RCBTB2: variants seen among roughly 807,000 people sequenced by gnomAD.
The protein encoded by RCBTB2 is RCC1 and BTB domain-containing protein 2.
A neutral mutation model predicts 65.4 loss-of-function variants in RCBTB2; 55 were observed. The observed-to-expected ratio is 0.84, with a 90% CI of 0.68 to 1.05. The LOEUF (loss-of-function observed/expected upper bound fraction) is 1.05, where lower values mean the gene tolerates loss of function less well. Ranked by LOEUF, RCBTB2 falls within the 50% of genes least tolerant of loss-of-function variation. The probability of loss-of-function intolerance (pLI) is 0.00; values close to 1 mark genes in which losing one functional copy is unlikely to be tolerated. For missense variants in RCBTB2, 599 were observed against 680.1 expected (o/e 0.88, Z 1.33); for synonymous variants, 220 against 255.2 (o/e 0.86, Z 1.31).
At chr13:48,532,999 C>T in intron 1 of RCBTB2, 29 bp downstream of exon 1, 1 of 455,646 alleles carries the variant, frequency 2.2e-6, no homozygotes, top group Non-Finnish European at 4.4e-6. Context: ...TCCCCCTCGG[C>T]CTCCCACACC....
intron 4 of RCBTB2, among the ~76,000 whole-genome samples, chr13:48,518,472 A>AAAAAATATATATATATATAT (rs1491137365): frequency 8.6e-6 from 1 of 116,618 alleles, no homozygotes; most frequent in African/African-American, 3.8e-5. Flanking sequence ...AAAAAAAAAA[A>AAAAAATATATATATATATAT]ATATATATAT....
intron 14 of RCBTB2, among the ~76,000 whole-genome samples, chr13:48,493,168 TTGGACCAATCCACCATCATCACTTACTGG>T (rs1473811200): frequency 1.3e-5 from 2 of 150,696 alleles, no homozygotes; most frequent in Non-Finnish European, 2.9e-5. Context: ...AGGTGATAAC[TTGGACCAATCCACCATCATCACTTACTGG>T]ATTATACAGC....
At chr13:48,531,598 G>A (rs117888541) in intron 1 of RCBTB2, among the ~76,000 whole-genome samples, 2,027 of 152,346 alleles carry the variant, frequency 0.013, 23 homozygotes, top group Middle Eastern at 0.024. Flanking sequence ...ATGAGGGTCC[G>A]CTTGGCGAGC....
In RCBTB2 at chr13:48,512,173, A is replaced by G; in HGVS notation, c.518T>C (p.Val173Ala). 6.2e-7 allele frequency: 1 copy of G among 1,611,562 alleles called. No homozygotes were observed. Among genetic ancestry groups the G allele is most frequent in the Non-Finnish European group, 8.5e-7 (1 of 1,177,976 alleles). Residue 173 changes from valine to alanine, a missense_variant and splice_region_variant, in exon 8 of 15, where the codon GTA becomes GCA. Transcript: ENST00000344532. ...HSLVLTSDGE[V>A]FAWGYNNSGQ... The stretch of plus-strand genomic sequence containing the variant: ...AGAGTTATTATAACCCCAGGCAAAT[A>G]CCTGTTTAAAGGAAAGATCAGTAAA...
At chr13:48,506,954 G>A (rs543862661) in intron 10 of RCBTB2, among the ~76,000 whole-genome samples, 26 of 152,292 alleles carry the variant, frequency 1.7e-4, no homozygotes, top group African/African-American at 6.0e-4. Context: ...CAAATAATGC[G>A]GTTCTTATGT....
intron 6 of RCBTB2, among the ~76,000 whole-genome samples, chr13:48,513,177 A>G (rs1465541368): frequency 6.6e-6 from 1 of 152,250 alleles, no homozygotes; most frequent in Non-Finnish European, 1.5e-5. Context: ...GAGTAATAGC[A>G]AAAACATTAG....
chr13:48,495,853 T>C (rs1239169618), intron 14 of RCBTB2, among the ~76,000 whole-genome samples: 1 of 152,246 alleles, frequency 6.6e-6, no homozygotes, highest in African/African-American at 2.4e-5. Context: ...TATTGTCTTT[T>C]TGTTTTTCAC....
chr13:48,506,873 T>C (rs982097525), intron 10 of RCBTB2, among the ~76,000 whole-genome samples: 2 of 152,232 alleles, frequency 1.3e-5, no homozygotes, highest in Non-Finnish European at 2.9e-5. Flanking sequence ...TTTGGGGTAA[T>C]GTTCTATGAA....
upstream of RCBTB2, among the ~76,000 whole-genome samples, chr13:48,535,186 C>A (rs140735851): frequency 8.6e-3 from 1,303 of 152,080 alleles, 19 homozygotes; most frequent in African/African-American, 0.029. Flanking sequence ...GTTCTCTGGT[C>A]TCTTCCAAAA....
At chr13:48,500,809 C>CT in intron 12 of RCBTB2, among the ~76,000 whole-genome samples, 1 of 152,172 alleles carries the variant, frequency 6.6e-6, no homozygotes, top group Non-Finnish European at 1.5e-5. Context: ...GGCCATAGTA[C>CT]TGTGTTACAG....
At chr13:48,496,641 T>C in intron 13 of RCBTB2, among the ~76,000 whole-genome samples, 1 of 151,318 alleles carries the variant, frequency 6.6e-6, no homozygotes, top group Non-Finnish European at 1.5e-5. Context: ...CAATGTCAGC[T>C]TCTCCTGGGC....
At chr13:48,500,377 G>A (rs1255422828) in intron 12 of RCBTB2, among the ~76,000 whole-genome samples, 1 of 152,130 alleles carries the variant, frequency 6.6e-6, no homozygotes, top group Non-Finnish European at 1.5e-5. Flanking sequence ...GGCCAATATG[G>A]TGAAACCCCA....
chr13:48,510,338 T>C lies in RCBTB2; in HGVS notation c.926+291A>G, dbSNP rs187778612. On this transcript the variant is annotated intron_variant, in intron 10 of 14. Coordinates refer to ENST00000344532, the MANE Select transcript of RCBTB2 (RefSeq NM_001268.4). ...GAAAAGGAGGAGGGCAAAAGGGTGA[T>C]TTGTAAGGCAGAAGAGTAACAGAAT... Among the ~76,000 whole-genome samples the C allele has an allele frequency of 8.5e-5, 13 of 152,274 alleles. No individual in the cohort carries two copies. The East Asian group carries it at 2.5e-3, about 29-fold the overall frequency.
chr13:48,496,552 G>A (rs1190706825), intron 13 of RCBTB2, among the ~76,000 whole-genome samples: 2 of 151,854 alleles, frequency 1.3e-5, no homozygotes, highest in East Asian at 1.9e-4. Context: ...AAAAACAGGA[G>A]CACAGGGAAA....
chr13:48,534,995 ATC>A (rs1299409625), upstream of RCBTB2, among the ~76,000 whole-genome samples: 1 of 152,190 alleles, frequency 6.6e-6, no homozygotes, highest in Admixed American at 6.5e-5. Context: ...TTTGTATTAG[ATC>A]CTGTCTTCCT....
In RCBTB2 at chr13:48,499,640, A is replaced by G. The variant is rs765302827; in HGVS notation, c.1365T>C (p.Leu455=). 7.4e-6 allele frequency: 12 copies of G among 1,614,052 alleles called. No individual in the cohort carries two copies. The highest frequency in any genetic ancestry group is 9.3e-6 in the Non-Finnish European group (11 of 1,180,036). The stretch of plus-strand genomic sequence containing the variant: ...AATTACCTACTGCCTCCTCAGGAGA[A>G]AGGCTGATGCTGTCTGTGTATAGGT... ...LEYLYTDSIS[L]SPEEAVGLLD... Residue 455 remains leucine, a synonymous_variant, in exon 13 of 15, where the codon CTT becomes CTC. Coordinates refer to ENST00000344532, the MANE Select transcript of RCBTB2 (RefSeq NM_001268.4).
chr13:48,510,819 T>C, intron 9 of RCBTB2, 48 bp from the exon 10 acceptor site: 1 of 1,554,934 alleles, frequency 6.4e-7, no homozygotes, highest in Non-Finnish European at 8.8e-7. Context: ...AGTAATTATT[T>C]CACTGCTTCC....
At chr13:48,535,822 C>T, upstream of RCBTB2, 1 of 453,274 alleles carries the variant, frequency 2.2e-6, no homozygotes, top group Non-Finnish European at 4.4e-6. Flanking sequence ...TCCACCACTT[C>T]TCCAGCCATT....
intron 1 of RCBTB2, among the ~76,000 whole-genome samples, chr13:48,531,208 G>C (rs1952098249): frequency 1.3e-5 from 2 of 152,204 alleles, no homozygotes; most frequent in Non-Finnish European, 2.9e-5. Context: ...AAGCATCAAG[G>C]ACAGGACGTG....
Sources: allele counts gnomAD v4.1 joint callset (sites outside exome capture counted in the v4.1 genomes callset), GRCh38; gene constraint gnomAD v4.1.1; transcripts MANE v1.5; gene names NCBI Gene and HGNC (gene_info 2026-07-23, HGNC 2026-07-21).